The following GALNT13 variants were observed in gnomAD, a reference collection of about 807,000 sequenced individuals.
GALNT13 encodes polypeptide N-acetylgalactosaminyltransferase 13.
A neutral mutation model predicts 64.2 loss-of-function variants in GALNT13; 28 were observed. The ratio of observed to expected loss-of-function variants is 0.44; its 90% CI spans 0.32 to 0.60. The LOEUF is 0.60. Among genes scored for constraint, GALNT13 ranks in the 20% least tolerant of loss-of-function variants. GALNT13 has a pLI of 0.05. For missense variants in GALNT13, 577 were observed against 669.8 expected, an observed-to-expected ratio of 0.86 and a Z score of 1.53; for synonymous variants, 214 against 224.6, an observed-to-expected ratio of 0.95 and a Z score of 0.42.
At chr2:153,514,184 C>T in the GALNT13 span, among the ~76,000 whole-genome samples, 1 of 152,100 alleles carries the variant, frequency 6.6e-6, no homozygotes, top group East Asian at 1.9e-4. Flanking sequence ...AGCTCTTACC[C>T]ATTCCTATTT....
intron 3 of GALNT13, among the ~76,000 whole-genome samples, chr2:153,977,474 A>T (rs1036618026): frequency 6.6e-6 from 1 of 152,176 alleles, no homozygotes; most frequent in Admixed American, 6.5e-5. Context: ...AGCCCCTTAT[A>T]AAACCATCAG....
chr2:153,621,729 C>G, the GALNT13 span, among the ~76,000 whole-genome samples: 4 of 152,090 alleles, frequency 2.6e-5, no homozygotes, highest in African/African-American at 9.6e-5. Flanking sequence ...TACCCACCAC[C>G]ACCTTAAGCC....
intron 7 of GALNT13, among the ~76,000 whole-genome samples, chr2:154,246,244 T>C (rs1689775960): frequency 6.6e-6 from 1 of 152,146 alleles, no homozygotes; most frequent in Non-Finnish European, 1.5e-5. Flanking sequence ...ATATATTTAC[T>C]GTGAATTTTC....
chr2:153,142,637 C>T, the GALNT13 span, among the ~76,000 whole-genome samples: 21 of 150,430 alleles, frequency 1.4e-4, no homozygotes, highest in South Asian at 2.8e-3. Context: ...AGAGAGAGAT[C>T]GATAAATGAA....
At chr2:153,895,377 T>C (rs1687819659) in intron 1 of GALNT13, among the ~76,000 whole-genome samples, 1 of 152,172 alleles carries the variant, frequency 6.6e-6, no homozygotes, top group African/African-American at 2.4e-5. Context: ...AGCATTTTTC[T>C]TTTTTTAGCT....
chr2:153,583,117 T>C, the GALNT13 span, among the ~76,000 whole-genome samples: 1 of 152,116 alleles, frequency 6.6e-6, no homozygotes, highest in Non-Finnish European at 1.5e-5. Flanking sequence ...TGCATGATAA[T>C]CCACATGAGA....
chr2:154,281,897 G>A (rs1399648066), intron 8 of GALNT13, among the ~76,000 whole-genome samples: 1 of 151,696 alleles, frequency 6.6e-6, no homozygotes, highest in Non-Finnish European at 1.5e-5. Flanking sequence ...GTATGATTGA[G>A]AGGCATCCTT....
intron 3 of GALNT13, among the ~76,000 whole-genome samples, chr2:154,137,238 ACTT>A (rs1683008395): frequency 6.6e-6 from 1 of 152,022 alleles, no homozygotes; most frequent in Non-Finnish European, 1.5e-5. Context: ...CACTATAACT[ACTT>A]AGCATTCTTT....
chr2:153,854,536 G>A, the GALNT13 span, among the ~76,000 whole-genome samples: 90 of 152,036 alleles, frequency 5.9e-4, no homozygotes, highest in South Asian at 1.5e-3. Flanking sequence ...AGCTGAGATC[G>A]CACCATTGCA....
the GALNT13 span, among the ~76,000 whole-genome samples, chr2:153,751,978 A>AT: frequency 6.7e-6 from 1 of 149,900 alleles, no homozygotes; most frequent in African/African-American, 2.5e-5. Flanking sequence ...CTTGCTTCTC[A>AT]TTTTTTGTGT....
At chr2:154,297,743 G>A (rs1237456037) in intron 8 of GALNT13, among the ~76,000 whole-genome samples, 1 of 152,134 alleles carries the variant, frequency 6.6e-6, no homozygotes, top group Non-Finnish European at 1.5e-5. Flanking sequence ...ATAATAGATT[G>A]CATATGCATA....
At chr2:154,244,702 A>G (rs186539377) in intron 6 of GALNT13, among the ~76,000 whole-genome samples, 5 of 152,350 alleles carry the variant, frequency 3.3e-5, no homozygotes, top group Admixed American at 1.3e-4. Flanking sequence ...ATAAATGAAC[A>G]GGCATTAGAT....
At chr2:154,045,911 T>A (rs1699254659) in intron 3 of GALNT13, among the ~76,000 whole-genome samples, 1 of 151,426 alleles carries the variant, frequency 6.6e-6, no homozygotes, top group African/African-American at 2.4e-5. Flanking sequence ...TAAAGTCTTT[T>A]TCTTTCTCTG....
At chr2:154,340,899 A>AGTGTGT (rs57448184) in intron 9 of GALNT13, among the ~76,000 whole-genome samples, 6 of 149,202 alleles carry the variant, frequency 4.0e-5, no homozygotes, top group Non-Finnish European at 8.9e-5. Flanking sequence ...TGTGTGTATG[A>AGTGTGT]GTGTGTGTGT....
At chr2:153,929,879 A>G (rs55692811) in intron 2 of GALNT13, among the ~76,000 whole-genome samples, 13,434 of 152,144 alleles carry the variant, frequency 0.088, 1,559 homozygotes, top group East Asian at 0.62. Flanking sequence ...TGAAATGGCT[A>G]TGTCAAATGG....
chr2:154,010,422 G>T (rs1177137207), intron 3 of GALNT13, among the ~76,000 whole-genome samples: 3 of 152,172 alleles, frequency 2.0e-5, no homozygotes, highest in Middle Eastern at 6.3e-3. Flanking sequence ...AACCAACCTT[G>T]CATTCAAGGG....
chr2:153,096,703 A>G, the GALNT13 span, among the ~76,000 whole-genome samples: 15 of 151,916 alleles, frequency 9.9e-5, no homozygotes, highest in Non-Finnish European at 1.2e-4. Context: ...TTTGGCTTTC[A>G]CTGGCATGAA....
intron 3 of GALNT13, among the ~76,000 whole-genome samples, chr2:154,107,701 C>T (rs77303000): frequency 6.6e-6 from 1 of 150,610 alleles, no homozygotes; most frequent in Non-Finnish European, 1.5e-5. Context: ...TTTTTTAAAA[C>T]CCACATATTC....
the GALNT13 span, among the ~76,000 whole-genome samples, chr2:153,751,968 C>T: frequency 6.6e-6 from 1 of 151,310 alleles, no homozygotes; most frequent in Non-Finnish European, 1.5e-5. Context: ...GATTTTCTTT[C>T]TTGCTTCTCA....
Sources: gnomAD v4.1 joint callset for allele counts (sites outside exome capture counted in the v4.1 genomes callset) on GRCh38, gnomAD v4.1.1 for gene constraint, MANE v1.5 for transcripts, NCBI Gene and HGNC (gene_info 2026-07-23, HGNC 2026-07-21) for gene names.